Variants in MYBPC2 observed in about 807,000 individuals in gnomAD.
MYBPC2 encodes myosin binding protein C2.
Under a neutral mutation model 137.0 loss-of-function variants are expected in MYBPC2, and 122 were observed. The observed-to-expected ratio is 0.89, with a 90% CI of 0.77 to 1.03. The LOEUF is 1.03. Ranked by LOEUF, MYBPC2 falls within the 50% of genes least tolerant of loss-of-function variation. The pLI is 0.00. For missense variants in MYBPC2, 1,500 were observed against 1,534.4 expected (o/e 0.98, Z 0.37); for synonymous variants, 626 against 612.3 (o/e 1.02, Z -0.33).
At chr19:50,449,293 G>T (rs760017450) in intron 13 of MYBPC2, among the ~76,000 whole-genome samples, 2 of 152,234 alleles carry the variant, frequency 1.3e-5, no homozygotes, top group Non-Finnish European at 2.9e-5. Context: ...GGCAGGACCT[G>T]GACCCTGCTG....
chr19:50,454,331 G>A lies in MYBPC2; in HGVS notation c.1976G>A (p.Trp659Ter), dbSNP rs201432361. 438 of 1,613,414 alleles carry A rather than the reference G, an allele frequency of 2.7e-4. 1 individual carries two copies. In the Middle Eastern group the frequency reaches 3.6e-3, roughly 13 times the overall value. The stretch of plus-strand genomic sequence containing the variant: ...GGAGAGGATTGGGCCATCCTTGTCT[G>A]GGAGCCACCAATGTACGATGGGGGG... ...SVGEDWAILV[W>*]EPPMYDGGKP... The change falls in exon 18 of 28, where the codon TGG becomes TAG. Residue 659 changes from tryptophan to a stop codon, truncating the protein, a stop_gained. Transcript: ENST00000357701. LOFTEE classifies it high-confidence loss of function.
intron 16 of MYBPC2, 75 bp downstream of exon 16, chr19:50,452,078 C>T (rs957525138): frequency 3.7e-5 from 53 of 1,441,852 alleles, no homozygotes; most frequent in Non-Finnish European, 4.7e-5. Context: ...GCCTGAGTTT[C>T]ATCCTCTATA....
At chr19:50,464,820 T>A (rs763719119) in intron 27 of MYBPC2, among the ~76,000 whole-genome samples, 1 of 152,110 alleles carries the variant, frequency 6.6e-6, no homozygotes, top group Non-Finnish European at 1.5e-5. Flanking sequence ...CCCCAAGGCC[T>A]CCAGTGTACC....
intron 9 of MYBPC2, among the ~76,000 whole-genome samples, chr19:50,443,121 A>G (rs979670443): frequency 6.6e-6 from 1 of 152,082 alleles, no homozygotes; most frequent in African/African-American, 2.4e-5. Flanking sequence ...GCGAGATCCC[A>G]TCTCTACAAA....
At chr19:50,464,626 GGAGACGAGT>G in intron 27 of MYBPC2, 94 bp downstream of exon 27, 1 of 1,347,330 alleles carries the variant, frequency 7.4e-7, no homozygotes, top group Non-Finnish European at 9.8e-7. Flanking sequence ...GCTGAGATCT[GGAGACGAGT>G]GAGACCAGCC....
intron 24 of MYBPC2, among the ~76,000 whole-genome samples, chr19:50,460,990 C>T (rs1475645416): frequency 2.0e-5 from 3 of 149,352 alleles, no homozygotes; most frequent in African/African-American, 7.5e-5. Flanking sequence ...TGCACCTGGC[C>T]TTTATTTCTT....
At position 50,459,315 on chromosome 19, in the gene MYBPC2, G is replaced by C; in HGVS notation, c.2791+9G>C. ...CCGCATCCGCGTTGTGGGTGCGCGC[G>C]CTGGGGAGGGCCCCTGGAGGCCGGG... On this transcript the variant is annotated intron_variant, in intron 23 of 27. Coordinates refer to ENST00000357701, the MANE Select transcript of MYBPC2 (RefSeq NM_004533.4). 1 of 1,589,328 alleles carries C rather than the reference G, an allele frequency of 6.3e-7. No homozygotes were observed. Among genetic ancestry groups the C allele is most frequent in the South Asian group, 1.1e-5 (1 of 88,242 alleles).
chr19:50,451,781 A>C, intron 15 of MYBPC2, 83 bp from the exon 16 acceptor site: 1 of 1,536,976 alleles, frequency 6.5e-7, no homozygotes, highest in African/African-American at 1.4e-5. Context: ...GTTGGAACCC[A>C]ACTTTTTGGA....
Position 50,454,985 on chromosome 19 carries a change from T to C in MYBPC2, c.2015-123T>C, listed in dbSNP as rs185247562. On this transcript the variant is annotated intron_variant, in intron 18 of 27. Coordinates refer to ENST00000357701, the MANE Select transcript of MYBPC2 (RefSeq NM_004533.4). Reference sequence around the variant, plus strand: ...TGCTCTGTGGCCCCTGAGATCCACCTAAGATTCATGGCCTCGGACCGCCCT... The same window carrying C: ...TGCTCTGTGGCCCCTGAGATCCACCCAAGATTCATGGCCTCGGACCGCCCT... 1,170 of 845,304 alleles carry C rather than the reference T, an allele frequency of 1.4e-3. 2 individuals carry two copies. Among genetic ancestry groups the C allele is most frequent in the Non-Finnish European group, 1.9e-3 (1,051 of 558,178 alleles). 52.4% of individuals were successfully genotyped at this position (845,304 alleles called of 1,614,324 possible).
At position 50,443,817 on chromosome 19, in the gene MYBPC2, G is replaced by C. The variant is rs534923875; in HGVS notation, c.1133+1G>C. 6.2e-7 allele frequency: 1 copy of C among 1,612,756 alleles called. No homozygotes were observed. The highest frequency in any genetic ancestry group is 1.7e-5 in the Admixed American group (1 of 59,988). ...CAGAAGAGGGTGCCCAGGTGATGTGGTAAGTGACCCTTGATCCCTGATCTC... is the reference window on the plus strand; with the variant it reads ...CAGAAGAGGGTGCCCAGGTGATGTGCTAAGTGACCCTTGATCCCTGATCTC... On this transcript the variant is annotated splice_donor_variant, in intron 11 of 27. Transcript: ENST00000357701. LOFTEE classifies it high-confidence loss of function.
At position 50,454,358 on chromosome 19, in the gene MYBPC2, A is replaced by C. The variant is rs569293426; in HGVS notation, c.2003A>C (p.Lys668Thr). Residue 668 changes from lysine (K) to threonine (T), a missense_variant, in exon 18 of 28, where the codon AAG becomes ACG. Coordinates refer to ENST00000357701, the MANE Select transcript of MYBPC2 (RefSeq NM_004533.4). ...VWEPPMYDGGKPVTGYLVERK... is the reference protein window; with the variant it reads ...VWEPPMYDGGTPVTGYLVERK... ...GAGCCACCAATGTACGATGGGGGGAAGCCAGTCACCGGTGAGTGCCTCTGT... is the reference window on the plus strand; with the variant it reads ...GAGCCACCAATGTACGATGGGGGGACGCCAGTCACCGGTGAGTGCCTCTGT... The C allele has an allele frequency of 9.9e-6, 16 of 1,608,664 alleles. No homozygotes were observed. The highest frequency in any genetic ancestry group is 1.7e-5 in the Admixed American group (1 of 59,586).
chr19:50,457,530 G>A (rs893147802), intron 20 of MYBPC2, among the ~76,000 whole-genome samples: 3 of 152,148 alleles, frequency 2.0e-5, no homozygotes, highest in Non-Finnish European at 4.4e-5. Context: ...GAGCGTGCTG[G>A]AGTCAGACAG....
Position 50,445,975 on chromosome 19 carries a change from A to G in MYBPC2, c.1229A>G (p.Asp410Gly). The G allele has an allele frequency of 1.2e-6, 2 of 1,613,340 alleles. No individual in the cohort carries two copies. The highest frequency in any genetic ancestry group is 1.7e-6 in the Non-Finnish European group (2 of 1,179,660). The change falls in exon 12 of 28, where the codon GAC becomes GGC. Residue 410 changes from aspartate (D) to glycine (G), a missense_variant. By Grantham distance (94) the Asp-to-Gly change is moderately conservative. Transcript: ENST00000357701. ...AAGCGCCACATCCTCATCTTCTCAG[A>G]CGTGGTCCAGGAGGACAGGGGTCGC... is the stretch of plus-strand genomic sequence containing the variant. ...DGKRHILIFS[D>G]VVQEDRGRYQ... is the part of the protein sequence containing the mutation.
intron 13 of MYBPC2, among the ~76,000 whole-genome samples, chr19:50,449,489 C>T (rs1214845925): frequency 6.6e-6 from 1 of 152,242 alleles, no homozygotes; most frequent in Non-Finnish European, 1.5e-5. Flanking sequence ...TGGCCCAATG[C>T]CACTTCCGCC....
At chr19:50,459,932 C>G (rs2039955786) in intron 23 of MYBPC2, 108 bp from the exon 24 acceptor site, 1 of 1,433,486 alleles carries the variant, frequency 7.0e-7, no homozygotes, top group Non-Finnish European at 9.3e-7. Context: ...GGGAATGGGG[C>G]ATAAGAGAGG....
chr19:50,461,892 C>A lies in MYBPC2; in HGVS notation c.3092-8C>A. The A allele has an allele frequency of 6.3e-7, 1 of 1,594,032 alleles. No individual in the cohort carries two copies. The highest frequency in any genetic ancestry group is 8.5e-7 in the Non-Finnish European group (1 of 1,169,836). ...CAGTCGCCTTACGGGTGCATCCTCT[C>A]TCCCCAGGAATCACCTTCAAACCGT... On this transcript the variant is annotated splice_polypyrimidine_tract_variant and splice_region_variant and intron_variant, in intron 25 of 27. Coordinates refer to ENST00000357701, the MANE Select transcript of MYBPC2 (RefSeq NM_004533.4).
rs376180741 is a variant in MYBPC2, at chr19:50,436,600, C to T, written c.346-17C>T. The T allele has an allele frequency of 6.2e-7, 1 of 1,609,492 alleles. No individual in the cohort carries two copies. The highest frequency in any genetic ancestry group is 8.5e-7 in the Non-Finnish European group (1 of 1,176,358). On this transcript the variant is annotated splice_polypyrimidine_tract_variant and intron_variant, in intron 4 of 27. Transcript: ENST00000357701. ...GAGGGTGGTCCCGTGCACCCACACC[C>T]CCGGCCCTGGACCCAGGTGTACACC...
In MYBPC2 at chr19:50,463,385, T is replaced by C. The variant is rs114518954; in HGVS notation, c.3229-961T>C. Reference sequence around the variant, plus strand: ...ACCATGTCTCCATCTCTGTATACTGTATTCACTAACTCCACTCATTCATGT... The same window carrying C: ...ACCATGTCTCCATCTCTGTATACTGCATTCACTAACTCCACTCATTCATGT... On this transcript the variant is annotated intron_variant, in intron 26 of 27. Coordinates refer to ENST00000357701, the MANE Select transcript of MYBPC2 (RefSeq NM_004533.4). 3.7e-3 allele frequency among the ~76,000 whole-genome samples: 556 copies of C among 152,326 alleles called. 5 individuals are homozygous for C. Among genetic ancestry groups the C allele is most frequent in the African/African-American group, 0.013 (523 of 41,566 alleles).
rs59586325 is a variant in MYBPC2, at chr19:50,452,186, C to A, written c.1749+183C>A. 5.3e-5 allele frequency among the ~76,000 whole-genome samples: 8 copies of A among 152,294 alleles called. No homozygotes were observed. In the East Asian group the frequency reaches 1.5e-3, roughly 29 times the overall value. On this transcript the variant is annotated intron_variant, in intron 16 of 27. Coordinates refer to ENST00000357701, the MANE Select transcript of MYBPC2 (RefSeq NM_004533.4). Reference sequence around the variant, plus strand: ...TGGGCCTAGCACATGGTGGATGCTCCATCCATTCATCCATTCACCTTTCAG... The same window carrying A: ...TGGGCCTAGCACATGGTGGATGCTCAATCCATTCATCCATTCACCTTTCAG...
Sources: gnomAD v4.1 joint callset for allele counts (sites outside exome capture counted in the v4.1 genomes callset) on GRCh38, gnomAD v4.1.1 for gene constraint, MANE v1.5 for transcripts, NCBI Gene and HGNC (gene_info 2026-07-23, HGNC 2026-07-21) for gene names.